The following WNK2 variants were observed in gnomAD, a reference collection of about 807,000 sequenced individuals.
The protein encoded by WNK2 is WNK lysine deficient protein kinase 2, also known as serine/threonine-protein kinase WNK2.
A neutral mutation model predicts 192.1 loss-of-function variants in WNK2; 67 were observed. The observed-to-expected ratio is 0.35, with a 90% CI of 0.29 to 0.43. The LOEUF is 0.43. WNK2 is among the 20% of genes least tolerant of loss of function. The probability of loss-of-function intolerance (pLI) is 1.00; values close to 1 mark genes in which losing one functional copy is unlikely to be tolerated. For missense variants in WNK2, 2,698 were observed against 3,089.7 expected (o/e 0.87, Z 3.01); for synonymous variants, 1,439 against 1,393.9 (o/e 1.03, Z -0.72).
At chr9:93,241,201 T>C (rs556382461) in intron 7 of WNK2, among the ~76,000 whole-genome samples, 1 of 152,352 alleles carries the variant, frequency 6.6e-6, no homozygotes, top group Non-Finnish European at 1.5e-5. Context: ...TGAACAAACG[T>C]TGACATTAAG....
At chr9:93,242,061 A>T (rs1039266365) in intron 7 of WNK2, among the ~76,000 whole-genome samples, 7 of 152,032 alleles carry the variant, frequency 4.6e-5, no homozygotes, top group African/African-American at 1.7e-4. Context: ...AGTGACTGGG[A>T]CTTGGACTGG....
chr9:93,279,518 G>A (rs1847406947), intron 19 of WNK2, among the ~76,000 whole-genome samples: 1 of 152,160 alleles, frequency 6.6e-6, no homozygotes, highest in Non-Finnish European at 1.5e-5. Context: ...GACCGACAGA[G>A]CCAATGAGCT....
intron 2 of WNK2, among the ~76,000 whole-genome samples, chr9:93,203,473 C>T (rs888898154): frequency 2.6e-5 from 4 of 152,170 alleles, no homozygotes; most frequent in Non-Finnish European, 5.9e-5. Context: ...AGACCCTGGC[C>T]ACAGAGCAGG....
chr9:93,283,771 G>A (rs1399044089), intron 19 of WNK2, among the ~76,000 whole-genome samples: 1 of 152,198 alleles, frequency 6.6e-6, no homozygotes, highest in Non-Finnish European at 1.5e-5. Context: ...ATTCTCTAAA[G>A]CAGTTGTGGC....
chr9:93,318,185 C>A, intron 29 of WNK2: 2 of 1,491,766 alleles, frequency 1.3e-6, no homozygotes, highest in Non-Finnish European at 8.9e-7. Context: ...GAAAAGGTTT[C>A]ATTTGCAATT....
chr9:93,302,333 C>T (rs918481221), intron 26 of WNK2, among the ~76,000 whole-genome samples: 1 of 151,972 alleles, frequency 6.6e-6, no homozygotes, highest in African/African-American at 2.4e-5. Flanking sequence ...GCTAGGAAGA[C>T]GCTGAGGTCG....
chr9:93,251,872 T>C (rs891989630), intron 8 of WNK2, among the ~76,000 whole-genome samples: 31 of 152,192 alleles, frequency 2.0e-4, no homozygotes, highest in Admixed American at 3.9e-4. Flanking sequence ...GCCTGTCTGA[T>C]TGGTTTTGCA....
chr9:93,202,251 A>G (rs1239471084), intron 2 of WNK2, among the ~76,000 whole-genome samples: 1 of 151,078 alleles, frequency 6.6e-6, no homozygotes, highest in Non-Finnish European at 1.5e-5. Context: ...TCCATGGCTG[A>G]CCCCAAGCTC....
rs774973233 is a variant in WNK2, at chr9:93,253,036, C to T, written c.1988C>T (p.Pro663Leu). The change falls in exon 9 of 30, where the codon CCG becomes CTG. Residue 663 changes from proline (P) to leucine (L), a missense_variant. By Grantham distance (98) the Pro-to-Leu change is moderately conservative (BLOSUM62 -3). Around this residue, in one of 7 missense-constraint regions of WNK2, gnomAD observed 893 missense variants for 909.0 expected, o/e 0.98. Coordinates refer to ENST00000427277, the MANE Select transcript of WNK2 (RefSeq NM_006648.4). ...CCTGTGAGCGAGGGGCCCGTCCTGC[C>T]GCAGAGCCTGCCCTCGCTGGGGGCC... ...SPPVSEGPVL[P>L]QSLPSLGAYQ... 13 of 1,538,034 alleles carry T rather than the reference C, an allele frequency of 8.5e-6. No homozygotes were observed. The highest frequency in any genetic ancestry group is 1.7e-4 in the Middle Eastern group (1 of 5,920).
chr9:93,242,676 C>T (rs1840982008), intron 7 of WNK2, among the ~76,000 whole-genome samples: 1 of 152,216 alleles, frequency 6.6e-6, no homozygotes, highest in Non-Finnish European at 1.5e-5. Flanking sequence ...TGGCTGGCCG[C>T]TCAGTGGGAT....
intron 28 of WNK2, among the ~76,000 whole-genome samples, chr9:93,314,556 T>A (rs1461385523): frequency 1.3e-5 from 2 of 152,098 alleles, no homozygotes; most frequent in African/African-American, 4.8e-5. Flanking sequence ...AAGACACTTA[T>A]AAGCAATGAT....
chr9:93,316,356 CTG>C (rs995604449), intron 28 of WNK2: 74 of 152,284 alleles, frequency 4.9e-4, no homozygotes, highest in African/African-American at 1.7e-3. Context: ...TGGATTCAGT[CTG>C]TTGATTATCT....
At chr9:93,287,851 A>G (rs1187116681) in intron 19 of WNK2, among the ~76,000 whole-genome samples, 1 of 152,144 alleles carries the variant, frequency 6.6e-6, no homozygotes, top group African/African-American at 2.4e-5. Flanking sequence ...GCTTGAGCCC[A>G]GGAGTACAAG....
chr9:93,221,011 G>A (rs1402808437), intron 2 of WNK2, among the ~76,000 whole-genome samples: 2 of 152,224 alleles, frequency 1.3e-5, no homozygotes, highest in African/African-American at 4.8e-5. Context: ...AGCATCCCAT[G>A]GTGGCCCTGT....
At chr9:93,304,651 G>T (rs1852188575) in intron 26 of WNK2, among the ~76,000 whole-genome samples, 1 of 152,234 alleles carries the variant, frequency 6.6e-6, no homozygotes, top group South Asian at 2.1e-4. Flanking sequence ...GCCAGGTGGG[G>T]GCTGTCTTTG....
chr9:93,188,557 C>T (rs1829762981), intron 2 of WNK2, among the ~76,000 whole-genome samples: 1 of 152,210 alleles, frequency 6.6e-6, no homozygotes, highest in Non-Finnish European at 1.5e-5. Flanking sequence ...AACTTTTATT[C>T]TTGGCAGCAG....
chr9:93,218,343 C>T (rs1836150789), intron 2 of WNK2, among the ~76,000 whole-genome samples: 1 of 152,210 alleles, frequency 6.6e-6, no homozygotes. Flanking sequence ...TTAGGTGTCC[C>T]TGCGGGAAGT....
chr9:93,260,058 CGGGGCAGGGGCT>C (rs1178867376), intron 12 of WNK2, among the ~76,000 whole-genome samples: 1 of 151,916 alleles, frequency 6.6e-6, no homozygotes, highest in Non-Finnish European at 1.5e-5. Context: ...AGGCCGATAG[CGGGGCAGGGGCT>C]GGGGGCAGAT....
intron 28 of WNK2, among the ~76,000 whole-genome samples, chr9:93,309,543 G>T (rs1853259107): frequency 1.3e-5 from 2 of 151,976 alleles, no homozygotes; most frequent in African/African-American, 2.4e-5. Context: ...TTTTCCATTT[G>T]CAGGATTTAC....
Sources: allele counts gnomAD v4.1 joint callset (sites outside exome capture counted in the v4.1 genomes callset), GRCh38; gene constraint gnomAD v4.1.1; regional missense constraint gnomAD v4.1.1; transcripts MANE v1.5; gene names NCBI Gene and HGNC (gene_info 2026-07-23, HGNC 2026-07-21).